The following APBB2 variants were observed in gnomAD, a reference collection of about 807,000 sequenced individuals.
APBB2 encodes the protein amyloid beta precursor protein binding family B member 2, also known as Fe65-like 1.
APBB2 carries 38 observed loss-of-function variants against 82.5 expected under a neutral mutation model. The observed-to-expected ratio is 0.46, with a 90% CI of 0.36 to 0.60. The LOEUF is 0.60. APBB2 is among the 20% of genes least tolerant of loss of function. APBB2 has a pLI of 0.00. For missense variants in APBB2, 772 were observed against 972.3 expected (o/e 0.79, Z 2.74); for synonymous variants, 341 against 368.2 (o/e 0.93, Z 0.85).
At chr4:40,906,328 C>A (rs542421052) in intron 10 of APBB2, among the ~76,000 whole-genome samples, 1 of 151,622 alleles carries the variant, frequency 6.6e-6, no homozygotes, top group Admixed American at 6.6e-5. Context: ...TGGTGGCACA[C>A]GCCTGTAGTC....
In APBB2 at chr4:41,137,169, T is replaced by C. The variant is rs375828379; in HGVS notation, c.-261+5818A>G. On this transcript the variant is annotated intron_variant, in intron 2 of 17. Coordinates refer to ENST00000508593, the MANE Select transcript of APBB2 (RefSeq NM_004307.2). ...AACACACGCAAGACATTTTAATTCA[T>C]AGGTTTTCTATTTAGTAAAATAATA... 1.6e-4 allele frequency among the ~76,000 whole-genome samples: 24 copies of C among 152,346 alleles called. No homozygotes were observed. In the South Asian group the frequency reaches 4.6e-3, roughly 29 times the overall value.
chr4:40,991,010 C>CTTTTT (rs1491223078), intron 6 of APBB2, among the ~76,000 whole-genome samples: 40 of 128,692 alleles, frequency 3.1e-4, no homozygotes, highest in South Asian at 5.5e-4. Flanking sequence ...GACTGAGTTT[C>CTTTTT]ATTTTTTTTT....
At chr4:40,855,691 G>A (rs1375896543) in intron 12 of APBB2, among the ~76,000 whole-genome samples, 1 of 151,740 alleles carries the variant, frequency 6.6e-6, no homozygotes, top group Non-Finnish European at 1.5e-5. Context: ...AGCCGAGATT[G>A]TGCCACTGCA....
chr4:40,890,675 C>A (rs564532842), intron 11 of APBB2, among the ~76,000 whole-genome samples, 184 bp from the exon 12 acceptor site: 5 of 152,076 alleles, frequency 3.3e-5, no homozygotes, highest in Non-Finnish European at 7.4e-5. Flanking sequence ...TCCCCTCATA[C>A]ACCCAATTTC....
intron 6 of APBB2, among the ~76,000 whole-genome samples, chr4:40,972,445 T>TAAATAAATA (rs372950734): frequency 1.4e-4 from 20 of 146,990 alleles, no homozygotes; most frequent in Admixed American, 1.4e-4. Context: ...AAAAAAATAA[T>TAAATAAATA]AATAAATAAA....
chr4:41,146,675 C>T (rs1481754868), intron 1 of APBB2, among the ~76,000 whole-genome samples: 2 of 152,142 alleles, frequency 1.3e-5, no homozygotes, highest in African/African-American at 4.8e-5. Flanking sequence ...ATGGTATCCA[C>T]GCCACACCAA....
chr4:40,948,098 A>T (rs905429669), intron 6 of APBB2, among the ~76,000 whole-genome samples: 6 of 152,344 alleles, frequency 3.9e-5, no homozygotes, highest in East Asian at 3.9e-4. Context: ...GATAAAAAAA[A>T]ATATAATACA....
chr4:41,018,870 A>G (rs1216601268), intron 5 of APBB2, among the ~76,000 whole-genome samples: 1 of 152,192 alleles, frequency 6.6e-6, no homozygotes, highest in African/African-American at 2.4e-5. Flanking sequence ...TCTTTGCAAC[A>G]GTCCAGTCAA....
intron 12 of APBB2, among the ~76,000 whole-genome samples, chr4:40,837,359 G>A (rs1048638287): frequency 6.6e-5 from 10 of 152,200 alleles, no homozygotes; most frequent in East Asian, 3.8e-4. Flanking sequence ...TAGCACTTCC[G>A]GCTTCCAGAG....
intron 10 of APBB2, among the ~76,000 whole-genome samples, chr4:40,930,663 G>A (rs1336222787): frequency 1.3e-5 from 2 of 152,044 alleles, no homozygotes; most frequent in Non-Finnish European, 2.9e-5. Context: ...AGGGAGTAAG[G>A]AAGATATTTT....
intron 5 of APBB2, among the ~76,000 whole-genome samples, chr4:41,014,901 C>T (rs912309972): frequency 1.2e-4 from 19 of 152,194 alleles, no homozygotes; most frequent in African/African-American, 4.3e-4. Context: ...TTCTCAACCA[C>T]GTTTAGAAAC....
chr4:40,921,994 G>A (rs1474870675), intron 10 of APBB2, among the ~76,000 whole-genome samples: 1 of 152,200 alleles, frequency 6.6e-6, no homozygotes, highest in East Asian at 1.9e-4. Flanking sequence ...TCCTATTGGT[G>A]CCAACAACAG....
Position 41,214,468 on chromosome 4 carries a change from TC to T in APBB2, c.-481del. On this transcript the variant is annotated 5_prime_UTR_variant, in exon 1 of 18. Transcript: ENST00000508593. ...AGCGGCTCTGCTCCAGTCTCGCCCT[TC>T]CCGGAGCGCCCAGATCAGATGCGGT... The T allele has an allele frequency of 6.6e-6, 1 of 152,532 alleles. No individual in the cohort carries two copies. The highest frequency in any genetic ancestry group is 1.5e-5 in the Non-Finnish European group (1 of 68,214). 9.4% of individuals were successfully genotyped at this position (152,532 alleles called of 1,614,324 possible).
At chr4:40,977,951 CA>C (rs1342363036) in intron 6 of APBB2, among the ~76,000 whole-genome samples, 1 of 152,210 alleles carries the variant, frequency 6.6e-6, no homozygotes, top group Non-Finnish European at 1.5e-5. Flanking sequence ...ATGTGGCAGG[CA>C]ATCAGAGGCT....
intron 2 of APBB2, among the ~76,000 whole-genome samples, chr4:41,130,871 C>T (rs1291715209): frequency 6.6e-6 from 1 of 152,100 alleles, no homozygotes; most frequent in Non-Finnish European, 1.5e-5. Flanking sequence ...GTCTGACTCA[C>T]ACCAATTTCT....
intron 12 of APBB2, among the ~76,000 whole-genome samples, chr4:40,846,659 C>T (rs552079188): frequency 1.3e-3 from 193 of 152,284 alleles, no homozygotes; most frequent in African/African-American, 4.5e-3. Context: ...TGCCCAGCAG[C>T]GCCATGATGG....
chr4:41,178,711 G>T (rs933041750), intron 1 of APBB2, among the ~76,000 whole-genome samples: 2 of 152,108 alleles, frequency 1.3e-5, no homozygotes, highest in African/African-American at 4.8e-5. Context: ...AAGCTTTTGG[G>T]GAAGAAAGCC....
At chr4:40,875,969 G>C (rs892790271) in intron 12 of APBB2, among the ~76,000 whole-genome samples, 1 of 152,162 alleles carries the variant, frequency 6.6e-6, no homozygotes, top group Non-Finnish European at 1.5e-5. Flanking sequence ...GCTGTGTCTA[G>C]GCAGCAGTAC....
At chr4:41,136,014 C>A (rs1757458599) in intron 2 of APBB2, among the ~76,000 whole-genome samples, 1 of 152,176 alleles carries the variant, frequency 6.6e-6, no homozygotes, top group Non-Finnish European at 1.5e-5. Context: ...GTGAATGTGA[C>A]TAGGTTGATC....
Sources: gnomAD v4.1 joint callset for allele counts (sites outside exome capture counted in the v4.1 genomes callset) on GRCh38, gnomAD v4.1.1 for gene constraint, MANE v1.5 for transcripts, NCBI Gene and HGNC (gene_info 2026-07-23, HGNC 2026-07-21) for gene names.